Variants in PRDM5 observed in about 807,000 individuals in gnomAD.
PRDM5 encodes the protein PR domain zinc finger protein 5.
Under a neutral mutation model 81.2 loss-of-function variants are expected in PRDM5, and 56 were observed. The observed-to-expected ratio is 0.69, with a 90% CI of 0.56 to 0.86. The LOEUF (loss-of-function observed/expected upper bound fraction) is 0.86, where lower values mean the gene tolerates loss of function less well. Ranked by LOEUF, PRDM5 falls within the 40% of genes least tolerant of loss-of-function variation. The pLI is 0.00. For synonymous variants in PRDM5, 267 were observed against 256.4 expected (o/e 1.04, Z -0.39); for missense variants, 697 against 770.1 (o/e 0.91, Z 1.12).
chr4:120,802,775 C>G (rs576474360), intron 8 of PRDM5, among the ~76,000 whole-genome samples: 7 of 152,254 alleles, frequency 4.6e-5, no homozygotes, highest in African/African-American at 1.7e-4. Context: ...AGCAGAAAAG[C>G]TGAAAATTTT....
intron 15 of PRDM5, among the ~76,000 whole-genome samples, chr4:120,697,398 G>C (rs1290506875): frequency 1.3e-5 from 2 of 151,952 alleles, no homozygotes; most frequent in African/African-American, 4.8e-5. Flanking sequence ...TGCTCATACA[G>C]AATCATATAT....
chr4:120,912,552 G>T (rs1011550289), intron 1 of PRDM5, among the ~76,000 whole-genome samples: 10 of 152,156 alleles, frequency 6.6e-5, no homozygotes, highest in Non-Finnish European at 1.3e-4. Flanking sequence ...AATGTAATAT[G>T]TAGTCTTTGA....
At chr4:120,845,990 A>AGAAGTGAGACCTGAAGATGT (rs1415194847) in intron 3 of PRDM5, among the ~76,000 whole-genome samples, 1 of 152,228 alleles carries the variant, frequency 6.6e-6, no homozygotes, top group Non-Finnish European at 1.5e-5. Context: ...AACTAGACTT[A>AGAAGTGAGACCTGAAGATGT]GAAGTGAGAC....
chr4:120,766,208 C>T (rs1746367970), intron 13 of PRDM5, among the ~76,000 whole-genome samples: 1 of 152,230 alleles, frequency 6.6e-6, no homozygotes, highest in Non-Finnish European at 1.5e-5. Flanking sequence ...GATCCCCTGC[C>T]TCGGCCTCCC....
chr4:120,691,764 T>A (rs1734065830), downstream of PRDM5, among the ~76,000 whole-genome samples: 1 of 152,018 alleles, frequency 6.6e-6, no homozygotes, highest in Non-Finnish European at 1.5e-5. Context: ...GAGAAACACT[T>A]GGATGTATAA....
intron 11 of PRDM5, among the ~76,000 whole-genome samples, chr4:120,782,350 A>G (rs182133764): frequency 5.3e-4 from 80 of 152,274 alleles, no homozygotes; most frequent in Admixed American, 9.2e-4. Context: ...GATTATCTCA[A>G]TTTTAGCCAA....
intron 3 of PRDM5, among the ~76,000 whole-genome samples, chr4:120,842,378 A>G (rs575973406): frequency 3.3e-5 from 5 of 152,324 alleles, no homozygotes; most frequent in African/African-American, 1.2e-4. Flanking sequence ...AAACAGATGT[A>G]AGCCTTTTCC....
At chr4:120,750,805 T>C (rs1445939904) in intron 14 of PRDM5, among the ~76,000 whole-genome samples, 3 of 151,944 alleles carry the variant, frequency 2.0e-5, no homozygotes, top group African/African-American at 4.8e-5. Flanking sequence ...TATCAAGAGA[T>C]AGAATAGTCA....
At chr4:120,821,579 G>T (rs1020915263) in intron 3 of PRDM5, among the ~76,000 whole-genome samples, 2 of 152,066 alleles carry the variant, frequency 1.3e-5, no homozygotes, top group Non-Finnish European at 2.9e-5. Context: ...ATGAAATTAT[G>T]TTCAATTTTT....
intron 14 of PRDM5, among the ~76,000 whole-genome samples, chr4:120,737,157 G>A (rs1741236956): frequency 6.6e-6 from 1 of 152,092 alleles, no homozygotes; most frequent in Non-Finnish European, 1.5e-5. Context: ...CAGATCTCTG[G>A]CTTCCTTCTG....
chr4:120,699,464 A>T (rs1279282261), intron 15 of PRDM5, among the ~76,000 whole-genome samples: 1 of 152,036 alleles, frequency 6.6e-6, no homozygotes, highest in African/African-American at 2.4e-5. Context: ...AGAGACACAA[A>T]CTGCAATCCT....
At chr4:120,738,724 A>T (rs705115) in intron 14 of PRDM5, among the ~76,000 whole-genome samples, 5 of 152,288 alleles carry the variant, frequency 3.3e-5, no homozygotes, top group African/African-American at 9.6e-5. Context: ...CTCACTTTAG[A>T]GCTCTGTCCA....
At chr4:120,873,690 G>A (rs1415143583) in intron 2 of PRDM5, among the ~76,000 whole-genome samples, 1 of 152,194 alleles carries the variant, frequency 6.6e-6, no homozygotes. Flanking sequence ...CCAACAATAT[G>A]TCGGTTATTT....
At chr4:120,774,448 G>A (rs551172267) in intron 13 of PRDM5, among the ~76,000 whole-genome samples, 3 of 152,314 alleles carry the variant, frequency 2.0e-5, no homozygotes, top group South Asian at 2.1e-4. Context: ...CAAAACATTC[G>A]GAGCTCCGCT....
At chr4:120,691,174 G>C (rs1429379147), downstream of PRDM5, among the ~76,000 whole-genome samples, 1 of 152,062 alleles carries the variant, frequency 6.6e-6, no homozygotes, top group African/African-American at 2.4e-5. Context: ...CACTATTTTA[G>C]TATATAAGTA....
chr4:120,785,773 C>T (rs528814410), intron 10 of PRDM5, among the ~76,000 whole-genome samples: 8 of 152,134 alleles, frequency 5.3e-5, no homozygotes, highest in South Asian at 2.1e-4. Flanking sequence ...CAAAAAGTTG[C>T]GGTAACTTGG....
intron 2 of PRDM5, among the ~76,000 whole-genome samples, chr4:120,857,888 C>T (rs1228077080): frequency 6.6e-6 from 1 of 152,130 alleles, no homozygotes; most frequent in Admixed American, 6.5e-5. Flanking sequence ...CTATTATTTT[C>T]CTTCAATCAT....
intron 2 of PRDM5, among the ~76,000 whole-genome samples, chr4:120,864,331 T>G (rs1760968644): frequency 6.6e-6 from 1 of 152,234 alleles, no homozygotes; most frequent in Non-Finnish European, 1.5e-5. Context: ...AACATAAAGT[T>G]GATATCTGAT....
At position 120,922,484 on chromosome 4, in the gene PRDM5, A is replaced by C. The variant is rs767842189; in HGVS notation, c.93+32T>G. ...GGGAGGCACAGGGCGCGCGAGGTGC[A>C]GGGGCGCGCAGGCCGCCGCCGGGTC... On this transcript the variant is annotated intron_variant, in intron 1 of 15. Transcript: ENST00000264808. The C allele has an allele frequency of 3.2e-6, 5 of 1,572,162 alleles. No individual in the cohort carries two copies. The South Asian group carries it at 5.8e-5, about 18-fold the overall frequency.
Sources: allele counts gnomAD v4.1 joint callset (sites outside exome capture counted in the v4.1 genomes callset), GRCh38; gene constraint gnomAD v4.1.1; transcripts MANE v1.5; gene names NCBI Gene and HGNC (gene_info 2026-07-23, HGNC 2026-07-21).